TENM2: variants seen among roughly 807,000 people sequenced by gnomAD.
TENM2 encodes teneurin-2.
TENM2 carries 52 observed loss-of-function variants against 245.2 expected under a neutral mutation model. That is an observed-to-expected ratio of 0.21 (90% CI 0.17 to 0.27). The LOEUF is 0.27. Among genes scored for constraint, TENM2 ranks in the 10% least tolerant of loss-of-function variants. TENM2 has a pLI of 1.00. For missense variants in TENM2, 3,046 were observed against 3,666.8 expected, an observed-to-expected ratio of 0.83 and a Z score of 4.37; for synonymous variants, 1,363 against 1,438.9, an observed-to-expected ratio of 0.95 and a Z score of 1.19.
chr5:168,249,239 G>A (rs766015572), intron 27 of TENM2, among the ~76,000 whole-genome samples: 9 of 152,096 alleles, frequency 5.9e-5, no homozygotes, highest in Non-Finnish European at 1.3e-4. Flanking sequence ...ATGAGTGAGC[G>A]TAAGTATCGA....
At chr5:168,144,955 T>C (rs1477855795) in intron 12 of TENM2, among the ~76,000 whole-genome samples, 1 of 151,378 alleles carries the variant, frequency 6.6e-6, no homozygotes. Flanking sequence ...TTTTCATGTG[T>C]TTTTTGGCTG....
At chr5:167,843,035 T>C (rs1438424040) in intron 2 of TENM2, among the ~76,000 whole-genome samples, 1 of 152,162 alleles carries the variant, frequency 6.6e-6, no homozygotes, top group Non-Finnish European at 1.5e-5. Flanking sequence ...GATGATTGTA[T>C]TGGTATCTAG....
chr5:168,216,308 C>T (rs921879717), intron 21 of TENM2, among the ~76,000 whole-genome samples: 1 of 152,160 alleles, frequency 6.6e-6, no homozygotes, highest in Non-Finnish European at 1.5e-5. Flanking sequence ...GAAGCATACA[C>T]CTTGAATTAG....
At chr5:167,439,477 T>A (rs925425054) in intron 2 of TENM2, among the ~76,000 whole-genome samples, 1 of 152,210 alleles carries the variant, frequency 6.6e-6, no homozygotes, top group Non-Finnish European at 1.5e-5. Flanking sequence ...TAGGCTAGTG[T>A]CTTCCTCTGA....
At chr5:168,220,494 T>C (rs1292069843) in intron 23 of TENM2, among the ~76,000 whole-genome samples, 2 of 152,250 alleles carry the variant, frequency 1.3e-5, no homozygotes, top group Non-Finnish European at 2.9e-5. Flanking sequence ...GAAGTTACAT[T>C]GAAACTGAAT....
intron 2 of TENM2, among the ~76,000 whole-genome samples, chr5:167,680,775 C>A (rs985890341): frequency 2.2e-4 from 33 of 152,148 alleles, no homozygotes; most frequent in African/African-American, 8.0e-4. Flanking sequence ...CTCGTCATTC[C>A]AAATTACAAT....
intron 3 of TENM2, among the ~76,000 whole-genome samples, chr5:167,893,751 T>C (rs1001955659): frequency 4.0e-5 from 6 of 151,832 alleles, no homozygotes; most frequent in African/African-American, 1.5e-4. Flanking sequence ...AGTAGGACAA[T>C]CATTCAAGTA....
intron 5 of TENM2, among the ~76,000 whole-genome samples, chr5:168,036,400 G>T (rs1408018220): frequency 1.3e-5 from 2 of 152,032 alleles, no homozygotes; most frequent in Non-Finnish European, 2.9e-5. Context: ...ACTTTGGGAG[G>T]CCGAGGCAGG....
chr5:167,505,642 A>T (rs925866267), intron 2 of TENM2, among the ~76,000 whole-genome samples: 7 of 152,174 alleles, frequency 4.6e-5, no homozygotes, highest in Non-Finnish European at 1.0e-4. Context: ...GTACAAACTG[A>T]GTACCTATTC....
At chr5:168,187,262 T>A (rs1287737772) in intron 13 of TENM2, 2 of 152,244 alleles carry the variant, frequency 1.3e-5, no homozygotes, top group African/African-American at 4.8e-5. Context: ...TTCACAATTC[T>A]GAAGCAGTCA....
chr5:168,051,635 G>A (rs1789095586), intron 6 of TENM2, among the ~76,000 whole-genome samples: 1 of 152,114 alleles, frequency 6.6e-6, no homozygotes, highest in African/African-American at 2.4e-5. Flanking sequence ...TGGTAACTTT[G>A]CATTGGAAGA....
chr5:167,592,314 G>C (rs1775931714), intron 2 of TENM2, among the ~76,000 whole-genome samples: 1 of 152,138 alleles, frequency 6.6e-6, no homozygotes, highest in African/African-American at 2.4e-5. Context: ...ATTGTTACTG[G>C]AGCTCTGTTT....
chr5:168,122,882 G>C (rs143260685), intron 10 of TENM2, among the ~76,000 whole-genome samples: 6 of 152,104 alleles, frequency 3.9e-5, no homozygotes, highest in Non-Finnish European at 7.4e-5. Flanking sequence ...AAACTTCATG[G>C]AATATTGTGA....
intron 2 of TENM2, among the ~76,000 whole-genome samples, chr5:167,556,108 C>A (rs1041610580): frequency 2.0e-5 from 3 of 152,080 alleles, no homozygotes; most frequent in Non-Finnish European, 4.4e-5. Context: ...AGTCATTTTG[C>A]CTCTGTCATC....
At chr5:167,358,832 C>T (rs1759513821) in intron 1 of TENM2, among the ~76,000 whole-genome samples, 1 of 148,676 alleles carries the variant, frequency 6.7e-6, no homozygotes, top group African/African-American at 2.5e-5. Context: ...CACACACACA[C>T]ACACACACAC....
At chr5:167,777,472 T>A (rs950197738) in intron 2 of TENM2, among the ~76,000 whole-genome samples, 9 of 152,136 alleles carry the variant, frequency 5.9e-5, no homozygotes, top group Admixed American at 5.9e-4. Flanking sequence ...ATCCAATCAG[T>A]GTTTGGGAGG....
intron 2 of TENM2, among the ~76,000 whole-genome samples, chr5:167,394,129 T>C (rs571007786): frequency 6.6e-6 from 1 of 152,308 alleles, no homozygotes; most frequent in East Asian, 1.9e-4. Context: ...CTTTTGAGTT[T>C]GAGGTAGTCC....
At chr5:168,215,602 G>A (rs1002254769) in intron 21 of TENM2, among the ~76,000 whole-genome samples, 4 of 152,238 alleles carry the variant, frequency 2.6e-5, no homozygotes, top group African/African-American at 9.6e-5. Flanking sequence ...CCGGGAGGCG[G>A]AGCTTGCAGT....
chr5:168,198,341 A>G (rs775023472), intron 15 of TENM2, among the ~76,000 whole-genome samples: 12 of 151,968 alleles, frequency 7.9e-5, no homozygotes, highest in Middle Eastern at 3.4e-3. Context: ...GACTACAGGC[A>G]CCCACCACCA....
Sources: allele counts gnomAD v4.1 joint callset (sites outside exome capture counted in the v4.1 genomes callset), GRCh38; gene constraint gnomAD v4.1.1; transcripts MANE v1.5; gene names NCBI Gene and HGNC (gene_info 2026-07-23, HGNC 2026-07-21).